The following TMEM135 variants were observed in gnomAD, a reference collection of about 807,000 sequenced individuals.
The protein encoded by TMEM135 is peroxisomal membrane protein 52.
Under a neutral mutation model 60.3 loss-of-function variants are expected in TMEM135, and 30 were observed. That is an observed-to-expected ratio of 0.50 (90% confidence interval 0.37 to 0.68). The LOEUF is 0.68. Ranked by LOEUF, TMEM135 falls within the 30% of genes least tolerant of loss-of-function variation. TMEM135 has a pLI of 0.00. For missense variants in TMEM135, 468 were observed against 548.8 expected (o/e 0.85, Z 1.47); for synonymous variants, 190 against 186.7 (o/e 1.02, Z -0.14).
intron 5 of TMEM135, among the ~76,000 whole-genome samples, chr11:87,175,738 A>G (rs552735915): frequency 6.6e-6 from 1 of 152,254 alleles, no homozygotes; most frequent in South Asian, 2.1e-4. Flanking sequence ...CACATGGGTA[A>G]GGCTGTACCT....
chr11:87,308,330 G>T (rs577186928), intron 9 of TMEM135, among the ~76,000 whole-genome samples: 190 of 152,244 alleles, frequency 1.2e-3, no homozygotes, highest in Admixed American at 2.9e-3. Context: ...AGATTATAAG[G>T]TTATCAATGG....
chr11:87,095,628 CT>C (rs1857307321), intron 4 of TMEM135: 1 of 205,452 alleles, frequency 4.9e-6, no homozygotes, highest in African/African-American at 2.3e-5. Flanking sequence ...CAGTTTTCAA[CT>C]TTGTACTGAC....
At chr11:87,294,989 TA>T (rs1391346589) in intron 6 of TMEM135, among the ~76,000 whole-genome samples, 1 of 152,172 alleles carries the variant, frequency 6.6e-6, no homozygotes, top group Non-Finnish European at 1.5e-5. Flanking sequence ...ACATAACTTT[TA>T]AAGTCAGACA....
chr11:87,130,691 T>C (rs1400856287), intron 4 of TMEM135, among the ~76,000 whole-genome samples: 1 of 152,086 alleles, frequency 6.6e-6, no homozygotes, highest in Admixed American at 6.6e-5. Flanking sequence ...TTGTGGAGAC[T>C]GGGTCTTGAT....
chr11:87,202,017 T>A (rs11235009), intron 5 of TMEM135, among the ~76,000 whole-genome samples: 1 of 127,194 alleles, frequency 7.9e-6, no homozygotes, highest in Admixed American at 8.1e-5. Context: ...TATGTAATGT[T>A]ATGTTATGTT....
intron 5 of TMEM135, among the ~76,000 whole-genome samples, chr11:87,224,516 G>A (rs865853498): frequency 6.4e-4 from 98 of 152,002 alleles, no homozygotes; most frequent in African/African-American, 2.1e-3. Context: ...TAATGTCTCA[G>A]GAGGAAAAAC....
intron 5 of TMEM135, among the ~76,000 whole-genome samples, chr11:87,214,406 A>AGTGAAT (rs1940452285): frequency 6.6e-6 from 1 of 152,176 alleles, no homozygotes; most frequent in African/African-American, 2.4e-5. Flanking sequence ...GAACAAGAGA[A>AGTGAAT]GTGAATGGCA....
chr11:87,110,741 G>T (rs1002067162), intron 4 of TMEM135, among the ~76,000 whole-genome samples: 3 of 151,784 alleles, frequency 2.0e-5, no homozygotes, highest in East Asian at 1.9e-4. Flanking sequence ...CTCTATTTTT[G>T]ACTGCTTTTT....
chr11:87,274,788 G>A (rs967714388), intron 6 of TMEM135, among the ~76,000 whole-genome samples: 22 of 45,114 alleles, frequency 4.9e-4, no homozygotes, highest in Non-Finnish European at 1.3e-3. Context: ...TAGCAAGACT[G>A]TGTGTGTGTG....
chr11:87,141,698 G>C (rs1156681725), intron 4 of TMEM135, among the ~76,000 whole-genome samples: 1 of 152,106 alleles, frequency 6.6e-6, no homozygotes, highest in Non-Finnish European at 1.5e-5. Context: ...TCTGATGATA[G>C]TTGTCACTTG....
chr11:87,138,787 A>G (rs778842077), intron 4 of TMEM135, among the ~76,000 whole-genome samples: 33 of 152,222 alleles, frequency 2.2e-4, no homozygotes, highest in Non-Finnish European at 1.0e-4. Context: ...ATCTGCAAGT[A>G]AAGGTGAGAT....
chr11:87,276,519 T>TATAC (rs1554983579), intron 6 of TMEM135, among the ~76,000 whole-genome samples: 1 of 151,558 alleles, frequency 6.6e-6, no homozygotes, highest in African/African-American at 2.4e-5. Flanking sequence ...TATATATATA[T>TATAC]ATACACACAC....
chr11:87,151,811 TAGG>T (rs1449044750), intron 4 of TMEM135, among the ~76,000 whole-genome samples: 1 of 152,050 alleles, frequency 6.6e-6, no homozygotes, highest in African/African-American at 2.4e-5. Flanking sequence ...AGAGATATAG[TAGG>T]TGGTGAGGTG....
intron 6 of TMEM135, among the ~76,000 whole-genome samples, chr11:87,263,308 T>C (rs557558360): frequency 6.6e-6 from 1 of 152,344 alleles, no homozygotes; most frequent in East Asian, 1.9e-4. Flanking sequence ...GAGCACATTT[T>C]GAAAATATTT....
At chr11:87,174,559 G>A (rs1939321865) in intron 5 of TMEM135, among the ~76,000 whole-genome samples, 1 of 152,092 alleles carries the variant, frequency 6.6e-6, no homozygotes, top group Non-Finnish European at 1.5e-5. Context: ...CATGTGGGGA[G>A]AATGGATAGC....
At chr11:87,320,743 T>A (rs1440112684) in intron 14 of TMEM135, among the ~76,000 whole-genome samples, 1 of 152,202 alleles carries the variant, frequency 6.6e-6, no homozygotes. Flanking sequence ...CACATTTGAA[T>A]GTGTTTTCAT....
chr11:87,326,087 G>C lies in TMEM135; in HGVS notation c.*4754G>C. 2.3e-6 allele frequency: 1 copy of C among 442,524 alleles called. No homozygotes were observed. 27.4% of individuals were successfully genotyped at this position (442,524 alleles called of 1,614,324 possible). ...CAAACTACTATAGCTTGCCTGTTCA[G>C]TTTTTTTTTTTTTTAATATTCAGTT... On this transcript the variant is annotated 3_prime_UTR_variant, in exon 15 of 15. Coordinates refer to ENST00000305494, the MANE Select transcript of TMEM135 (RefSeq NM_022918.4).
chr11:87,242,096 G>A (rs929887163), intron 6 of TMEM135, among the ~76,000 whole-genome samples: 3 of 150,468 alleles, frequency 2.0e-5, no homozygotes, highest in African/African-American at 4.9e-5. Flanking sequence ...GTGAGAACAT[G>A]CGGTGTTTGG....
intron 5 of TMEM135, among the ~76,000 whole-genome samples, chr11:87,226,786 T>C (rs1383015833): frequency 6.6e-6 from 1 of 152,214 alleles, no homozygotes; most frequent in Non-Finnish European, 1.5e-5. Flanking sequence ...AGTTCATGCC[T>C]GTAATCCCAG....
Sources: gnomAD v4.1 joint callset for allele counts (sites outside exome capture counted in the v4.1 genomes callset) on GRCh38, gnomAD v4.1.1 for gene constraint, MANE v1.5 for transcripts, NCBI Gene and HGNC (gene_info 2026-07-23, HGNC 2026-07-21) for gene names.